The following ZNF518B variants were observed in gnomAD, a reference collection of about 807,000 sequenced individuals.
The protein encoded by ZNF518B is zinc finger protein 518B.
ZNF518B carries 23 observed loss-of-function variants against 56.3 expected under a neutral mutation model. That is an observed-to-expected ratio of 0.41 (90% CI 0.29 to 0.58). The LOEUF (loss-of-function observed/expected upper bound fraction) is 0.58, where lower values mean the gene tolerates loss of function less well. Among genes scored for constraint, ZNF518B ranks in the 20% least tolerant of loss-of-function variants. The pLI, the probability that ZNF518B is intolerant of heterozygous loss-of-function variation, is 0.32. For synonymous variants in ZNF518B, 529 were observed against 465.9 expected (o/e 1.14, Z -1.74); for missense variants, 1,460 against 1,272.1 (o/e 1.15, Z -2.25).
At chr4:10,457,513 C>G (rs4077363), upstream of ZNF518B, 4 of 152,270 alleles carry the variant, frequency 2.6e-5, no homozygotes, top group Admixed American at 1.3e-4. Flanking sequence ...GCGCCCGCCC[C>G]CGCCGGGCTT....
At chr4:10,461,072 G>A (rs1715728905), upstream of ZNF518B, among the ~76,000 whole-genome samples, 1 of 152,360 alleles carries the variant, frequency 6.6e-6, no homozygotes, top group African/African-American at 2.4e-5. Context: ...CAGTCCTGGG[G>A]TGCAGGAGGT....
upstream of ZNF518B, among the ~76,000 whole-genome samples, chr4:10,461,210 G>A (rs1260418971): frequency 6.6e-6 from 1 of 152,250 alleles, no homozygotes; most frequent in Non-Finnish European, 1.5e-5. Context: ...GCAACCTTTC[G>A]TGGAGGGTGC....
chr4:10,444,382 G>A lies in ZNF518B; in HGVS notation c.1947C>T (p.Gly649=), dbSNP rs1170141379. ...TAGACGTTGAGCTATTCCACTTAAT[G>A]CCCTCGGGGACATTTTCAGATCCAG... ...LSSGSENVPE[G]IKWNSSTSKI... Residue 649 remains glycine (G), a synonymous_variant, in exon 3 of 3, where the codon GGC becomes GGT. Coordinates refer to ENST00000326756, the MANE Select transcript of ZNF518B (RefSeq NM_053042.3). 1.9e-6 allele frequency: 3 copies of A among 1,614,156 alleles called. No homozygotes were observed. Among genetic ancestry groups the A allele is most frequent in the African/African-American group, 1.3e-5 (1 of 75,034 alleles).
In ZNF518B at chr4:10,444,714, A is replaced by T. The variant is rs370168358; in HGVS notation, c.1615T>A (p.Phe539Ile). 30 of 1,614,106 alleles carry T rather than the reference A, an allele frequency of 1.9e-5. No homozygotes were observed. The highest frequency in any genetic ancestry group is 3.3e-5 in the Admixed American group (2 of 60,006). Residue 539 changes from phenylalanine (F) to isoleucine (I), a missense_variant, in exon 3 of 3, where the codon TTC becomes ATC. Coordinates refer to ENST00000326756, the MANE Select transcript of ZNF518B (RefSeq NM_053042.3). ...GGCAATAAGCCCTTTTCTCCAGAGA[A>T]GGAACAGGTTGCAGGTGATGCAGCA... ...PFAASPATCS[F>I]SGEKGLLPVS...
intron 2 of ZNF518B, among the ~76,000 whole-genome samples, chr4:10,449,910 A>T (rs1715232296): frequency 1.3e-5 from 2 of 152,222 alleles, no homozygotes; most frequent in South Asian, 4.1e-4. Context: ...GTCTTCAAAA[A>T]TCCCAGAAGG....
chr4:10,445,802 TCTC>T lies in ZNF518B; in HGVS notation c.524_526del (p.Gly175del). 1 of 1,614,226 alleles carries T rather than the reference TCTC, an allele frequency of 6.2e-7. No individual in the cohort carries two copies. The highest frequency in any genetic ancestry group is 8.5e-7 in the Non-Finnish European group (1 of 1,180,038). Reference sequence around the variant, plus strand: ...GTGTTTCACCAAATGCCTCTGAAACTCTCCTTTCGTATACGAAATGTAGCTGCA... The same window carrying T: ...GTGTTTCACCAAATGCCTCTGAAACTCTTTCGTATACGAAATGTAGCTGCA... On this transcript the variant is annotated inframe_deletion, in exon 3 of 3. Coordinates refer to ENST00000326756, the MANE Select transcript of ZNF518B (RefSeq NM_053042.3).
chr4:10,456,874 G>A (rs1454260441), intron 1 of ZNF518B, among the ~76,000 whole-genome samples: 3 of 151,980 alleles, frequency 2.0e-5, no homozygotes, highest in Admixed American at 6.6e-5. Context: ...CCTTCATAAC[G>A]CTGGGGGCGG....
At chr4:10,450,924 C>A (rs1016342319) in intron 2 of ZNF518B, 4 of 152,182 alleles carry the variant, frequency 2.6e-5, no homozygotes, top group African/African-American at 9.7e-5. Flanking sequence ...ATTTATTAAT[C>A]TGCCTGTTTT....
chr4:10,455,604 G>A (rs933947322), intron 1 of ZNF518B, among the ~76,000 whole-genome samples: 1 of 147,668 alleles, frequency 6.8e-6, no homozygotes, highest in African/African-American at 2.6e-5. Context: ...AATCTCTAGA[G>A]ATCTAAATGG....
In ZNF518B at chr4:10,446,464, T is replaced by C. The variant is rs766543027; in HGVS notation, c.-136A>G. The C allele has an allele frequency of 2.2e-5, 17 of 779,728 alleles. No homozygotes were observed. Among genetic ancestry groups the C allele is most frequent in the Non-Finnish European group, 3.5e-5 (17 of 481,190 alleles). The allele number at this position is 779,728 out of a possible 1,614,324, so 48.3% of individuals were successfully genotyped here. A position where few individuals can be genotyped will look rare whatever the true frequency, so the allele number is the denominator to read the frequency against. On this transcript the variant is annotated 5_prime_UTR_variant, in exon 3 of 3. Transcript: ENST00000326756. The stretch of plus-strand genomic sequence containing the variant: ...TTCTTGGGTGCATACTTAATTATCT[T>C]TCTTTATATACTGCCGCAGTAGGTG...
At position 10,445,963 on chromosome 4, in the gene ZNF518B, A is replaced by G. The variant is rs752185720; in HGVS notation, c.366T>C (p.Asn122=). The stretch of plus-strand genomic sequence containing the variant: ...TAAAGTTCCTTACCTTAAATTTGCT[A>G]TTGACAGAACTTGAGAAGTTTTCAG... ...NKTENFSSSV[N]SKFKVRNFKP... is the part of the protein sequence containing the mutation. Residue 122 remains asparagine (N), a synonymous_variant, in exon 3 of 3, where the codon AAT becomes AAC. Transcript: ENST00000326756. 26 of 1,614,098 alleles carry G rather than the reference A, an allele frequency of 1.6e-5. 1 individual carries two copies. Among genetic ancestry groups the G allele is most frequent in the Non-Finnish European group, 2.0e-5 (24 of 1,180,054 alleles).
In ZNF518B at chr4:10,455,346, A is replaced by G. The variant is rs528850260; in HGVS notation, c.-395-358T>C. 2.1e-4 allele frequency among the ~76,000 whole-genome samples: 32 copies of G among 152,344 alleles called. 1 individual carries two copies. In the South Asian group the frequency reaches 6.6e-3, roughly 32 times the overall value. ...TAGCTGAGTTTGCATAACAAAGAAA[A>G]TGCAGTAGACAGCAGGCAGTTTGAG... On this transcript the variant is annotated intron_variant, in intron 1 of 2. Transcript: ENST00000326756.
intron 1 of ZNF518B, among the ~76,000 whole-genome samples, chr4:10,455,283 C>T (rs1294743455): frequency 6.6e-6 from 1 of 152,208 alleles, no homozygotes. Context: ...TGATCTGTAG[C>T]TGCTTTCACT....
At chr4:10,454,203 G>C (rs1267581536) in intron 2 of ZNF518B, 1 of 152,212 alleles carries the variant, frequency 6.6e-6, no homozygotes, top group Non-Finnish European at 1.5e-5. Context: ...GGCTGTCATG[G>C]GGCAAACAGA....
At chr4:10,456,814 G>A (rs1232456561) in intron 1 of ZNF518B, among the ~76,000 whole-genome samples, 1 of 152,148 alleles carries the variant, frequency 6.6e-6, no homozygotes, top group African/African-American at 2.4e-5. Flanking sequence ...ATGGCCTCCT[G>A]ACGACACTTC....
Position 10,444,664 on chromosome 4 carries a change from A to G in ZNF518B, c.1665T>C (p.Ser555=), listed in dbSNP as rs1297321474. ...TTACAGGAATATTGACTTTACTTGT[A>G]GATTCCAAGTCATTTTCACTTACAG... The part of the protein sequence containing the change: ...LLPVSENDLE[S]TSKVNIPVKV... The change falls in exon 3 of 3, where the codon TCT becomes TCC. Residue 555 remains serine (S), a synonymous_variant. Transcript: ENST00000326756. 2 of 1,614,102 alleles carry G rather than the reference A, an allele frequency of 1.2e-6. No individual in the cohort carries two copies. The highest frequency in any genetic ancestry group is 2.7e-5 in the African/African-American group (2 of 74,948).
Position 10,446,379 on chromosome 4 carries a change from T to A in ZNF518B, c.-51A>T. Reference sequence around the variant, plus strand: ...AACTAAAATTCAGAAAGTTTTCACATGATAAAATCCTTAGGAGATATCCTT... The same window carrying A: ...AACTAAAATTCAGAAAGTTTTCACAAGATAAAATCCTTAGGAGATATCCTT... On this transcript the variant is annotated 5_prime_UTR_variant, in exon 3 of 3. The change abolishes an upstream ATG in the 5' untranslated region. Coordinates refer to ENST00000326756, the MANE Select transcript of ZNF518B (RefSeq NM_053042.3). 2.6e-6 allele frequency: 4 copies of A among 1,545,294 alleles called. No homozygotes were observed. The highest frequency in any genetic ancestry group is 1.2e-5 in the South Asian group (1 of 84,646).
At chr4:10,461,157 G>A (rs1287204055), upstream of ZNF518B, among the ~76,000 whole-genome samples, 1 of 152,248 alleles carries the variant, frequency 6.6e-6, no homozygotes, top group African/African-American at 2.4e-5. Context: ...GTTACTGCCA[G>A]TCTCTGAGAC....
chr4:10,460,354 T>C (rs1028236590), upstream of ZNF518B, among the ~76,000 whole-genome samples: 1 of 135,274 alleles, frequency 7.4e-6, no homozygotes, highest in African/African-American at 2.7e-5. Flanking sequence ...CATGTATGAA[T>C]GCCCATTCAG....
Sources: allele counts gnomAD v4.1 joint callset (sites outside exome capture counted in the v4.1 genomes callset), GRCh38; gene constraint gnomAD v4.1.1; transcripts MANE v1.5; gene names NCBI Gene and HGNC (gene_info 2026-07-23, HGNC 2026-07-21).